The following RPH3AL variants were observed in gnomAD, a reference collection of about 807,000 sequenced individuals.
RPH3AL encodes the protein rab effector Noc2.
In RPH3AL, 38 loss-of-function variants were observed where a neutral mutation model predicts 43.1. That is an observed-to-expected ratio of 0.88 (90% CI 0.68 to 1.15). The LOEUF (loss-of-function observed/expected upper bound fraction) is 1.15, where lower values mean the gene tolerates loss of function less well. Among genes scored for constraint, RPH3AL ranks in the 50% most tolerant of loss-of-function variants. The probability of loss-of-function intolerance (pLI) is 0.00; values close to 1 mark genes in which losing one functional copy is unlikely to be tolerated. For missense variants in RPH3AL, 462 were observed against 423.2 expected, an observed-to-expected ratio of 1.09 and a Z score of -0.81; for synonymous variants, 189 against 176.3, an observed-to-expected ratio of 1.07 and a Z score of -0.57.
intron 7 of RPH3AL, among the ~76,000 whole-genome samples, chr17:221,490 T>A (rs374581840): frequency 0.038 from 292 of 7,770 alleles, 3 homozygotes; most frequent in Middle Eastern, 0.12. Context: ...CCCAAGCACA[T>A]CAGCTCTGAG....
chr17:351,526 C>A (rs2045352979), intron 1 of RPH3AL, among the ~76,000 whole-genome samples: 1 of 152,176 alleles, frequency 6.6e-6, no homozygotes, highest in African/African-American at 2.4e-5. Context: ...CACCTCCCAT[C>A]TCCACCTAGC....
In RPH3AL at chr17:328,102, C is replaced by CAGGG. The variant is rs1196347497; in HGVS notation, c.-36-527_-36-524dup. 3.3e-5 allele frequency among the ~76,000 whole-genome samples: 5 copies of CAGGG among 152,096 alleles called. No homozygotes were observed. Among genetic ancestry groups the CAGGG allele is most frequent in the Admixed American group, 2.6e-4 (4 of 15,270 alleles). ...ATGCCCTCGAGGGCAGGCAAGAGGG[C>CAGGG]AGGGGGTGGCAGCTACAGCCAGGAT... On this transcript the variant is annotated intron_variant, in intron 2 of 9. Coordinates refer to ENST00000331302, the MANE Select transcript of RPH3AL (RefSeq NM_006987.4). The surrounding 1 kb of genome is among the most constrained non-coding windows in gnomAD (Gnocchi z 4.2).
At chr17:299,274 G>A (rs1293376966) in intron 5 of RPH3AL, among the ~76,000 whole-genome samples, 1 of 140,920 alleles carries the variant, frequency 7.1e-6, no homozygotes, top group Non-Finnish European at 1.6e-5. Flanking sequence ...GTCTGAGCCT[G>A]TATGTGGTTC....
At position 333,013 on chromosome 17, in the gene RPH3AL, C is replaced by A. The variant is rs2044830806; in HGVS notation, c.-37+746G>T. 1 of 1,286,600 alleles carries A rather than the reference C, an allele frequency of 7.8e-7. No homozygotes were observed. Among genetic ancestry groups the A allele is most frequent in the Non-Finnish European group, 1.0e-6 (1 of 986,678 alleles). The allele number at this position is 1,286,600 out of a possible 1,614,324, so 79.7% of individuals were successfully genotyped here. A position where few individuals can be genotyped will look rare whatever the true frequency, so the allele number is the denominator to read the frequency against. ...GGGACAGAGGCTCATCAGCCCCAGG[C>A]AACTTCCTGAGACAGATCGGTAAAA... On this transcript the variant is annotated intron_variant, in intron 2 of 9. Transcript: ENST00000331302. This position sits in a 1 kb window ranked among gnomAD's most constrained non-coding sequence, Gnocchi z 4.5.
At position 245,008 on chromosome 17, in the gene RPH3AL, G is replaced by A. The variant is rs1454632188; in HGVS notation, c.613+2103C>T. Among the ~76,000 whole-genome samples, 2 of 152,132 alleles carry A rather than the reference G, an allele frequency of 1.3e-5. No individual in the cohort carries two copies. The highest frequency in any genetic ancestry group is 1.3e-4 in the Admixed American group (2 of 15,280). ...CAAGTGTGTATGCATGTGGATATGA[G>A]TGTGTGTATGTGGATGTGTGTGTGG... On this transcript the variant is annotated intron_variant, in intron 7 of 9. Coordinates refer to ENST00000331302, the MANE Select transcript of RPH3AL (RefSeq NM_006987.4). This position sits in a 1 kb window ranked among gnomAD's most constrained non-coding sequence, Gnocchi z 5.9.
intron 2 of RPH3AL, chr17:332,007 A>T (rs1021523143): frequency 8.1e-6 from 5 of 619,314 alleles, no homozygotes; most frequent in African/African-American, 3.8e-5. Context: ...CAGAGGCAGG[A>T]GGTTCTGTGG....
intron 6 of RPH3AL, among the ~76,000 whole-genome samples, chr17:271,142 T>C (rs1169500124): frequency 6.6e-6 from 1 of 152,236 alleles, no homozygotes; most frequent in Non-Finnish European, 1.5e-5. Context: ...TATATCTCTG[T>C]TTTGGTACCA....
chr17:213,804 T>C lies in RPH3AL; in HGVS notation c.*48A>G. 2 of 1,493,766 alleles carry C rather than the reference T, an allele frequency of 1.3e-6. No homozygotes were observed. The highest frequency in any genetic ancestry group is 1.1e-5 in the South Asian group (1 of 87,700). 92.5% of individuals were successfully genotyped at this position (1,493,766 alleles called of 1,614,324 possible). ...CCGGTCAGGGAGGAGCCGGGCAGGG[T>C]CTGGCAGGAATCCTCCACAGGGAAG... On this transcript the variant is annotated 3_prime_UTR_variant, in exon 10 of 10. Transcript: ENST00000331302.
intron 7 of RPH3AL, among the ~76,000 whole-genome samples, chr17:243,818 A>T (rs2151537773): frequency 7.4e-6 from 1 of 135,392 alleles, no homozygotes; most frequent in South Asian, 2.3e-4. Flanking sequence ...CCCTCTACTG[A>T]TTACCCTTCC....
intron 5 of RPH3AL, among the ~76,000 whole-genome samples, chr17:316,477 G>T (rs2044198573): frequency 1.4e-5 from 2 of 139,440 alleles, no homozygotes; most frequent in Non-Finnish European, 3.0e-5. Flanking sequence ...TAGTCTCTGT[G>T]CCCCACCTCC....
intron 1 of RPH3AL, among the ~76,000 whole-genome samples, chr17:342,199 T>C (rs564492861): frequency 6.6e-6 from 1 of 152,166 alleles, no homozygotes. Context: ...CACTAAAAAA[T>C]ATGAAAAATA....
chr17:260,061 C>T (rs367920263), intron 6 of RPH3AL, among the ~76,000 whole-genome samples: 12 of 152,272 alleles, frequency 7.9e-5, no homozygotes, highest in African/African-American at 2.2e-4. Context: ...CTCCCTCTCC[C>T]GTGCCACCCT....
intron 7 of RPH3AL, among the ~76,000 whole-genome samples, chr17:223,438 C>T (rs540192116): frequency 3.3e-5 from 5 of 152,204 alleles, no homozygotes; most frequent in African/African-American, 4.8e-5. Context: ...CTGGTGGTTA[C>T]GGAGGAAGGT....
At chr17:236,791 G>A (rs1470108269) in intron 7 of RPH3AL, among the ~76,000 whole-genome samples, 6 of 152,244 alleles carry the variant, frequency 3.9e-5, no homozygotes, top group African/African-American at 9.6e-5. Context: ...CCCAACAGTC[G>A]GAAAAGAAAA....
Position 327,459 on chromosome 17 carries a change from G to T in RPH3AL, c.77+8C>A. 2 of 1,613,526 alleles carry T rather than the reference G, an allele frequency of 1.2e-6. No individual in the cohort carries two copies. The highest frequency in any genetic ancestry group is 1.7e-6 in the Non-Finnish European group (2 of 1,179,640). ...AGGGACGGCCTGGGGGGCCCCAGAG[G>T]TACTCACTTGGCTCGAAGGGCAAGC... On this transcript the variant is annotated splice_region_variant and intron_variant, in intron 3 of 9. Transcript: ENST00000331302.
intron 1 of RPH3AL, among the ~76,000 whole-genome samples, chr17:342,727 G>A (rs1397081258): frequency 1.3e-5 from 2 of 152,182 alleles, no homozygotes; most frequent in Non-Finnish European, 2.9e-5. Flanking sequence ...AAAGGGAATA[G>A]GGTTTCTGTA....
At chr17:260,196 C>T (rs2042166106) in intron 6 of RPH3AL, among the ~76,000 whole-genome samples, 1 of 152,236 alleles carries the variant, frequency 6.6e-6, no homozygotes. Flanking sequence ...CCTGGAGTGC[C>T]TTTCATCAGC....
rs372497832 is a variant in RPH3AL at position 264,561 on chromosome 17, C to CGT, written c.438+17205_438+17206dup. 8.0e-3 allele frequency among the ~76,000 whole-genome samples: 1,217 copies of CGT among 151,882 alleles called. 15 individuals carry two copies. Among genetic ancestry groups the CGT allele is most frequent in the African/African-American group, 0.028 (1,149 of 41,182 alleles). ...CTGGATGGGGACTCAGAATCCGCACCGTGTGTGTGACCACTGCATGGTGGT... is the reference window on the plus strand; with the variant it reads ...CTGGATGGGGACTCAGAATCCGCACCGTGTGTGTGTGACCACTGCATGGTGGT... On this transcript the variant is annotated intron_variant, in intron 6 of 9. Transcript: ENST00000331302. The surrounding 1 kb of genome is among the most constrained non-coding windows in gnomAD (Gnocchi z 4.8).
intron 1 of RPH3AL, among the ~76,000 whole-genome samples, chr17:336,802 T>C (rs907898385): frequency 6.6e-6 from 1 of 152,140 alleles, no homozygotes; most frequent in Non-Finnish European, 1.5e-5. Flanking sequence ...CACCAGGACC[T>C]TGAGGCATTG....
Sources: gnomAD v4.1 joint callset for allele counts (sites outside exome capture counted in the v4.1 genomes callset) on GRCh38, gnomAD v4.1.1 for gene constraint, Gnocchi (gnomAD v3.1) non-coding constraint, MANE v1.5 for transcripts, NCBI Gene and HGNC (gene_info 2026-07-23, HGNC 2026-07-21) for gene names.